The following RPTOR variants were observed in gnomAD, a reference collection of about 807,000 sequenced individuals.
RPTOR encodes the protein regulatory associated protein of MTOR complex 1.
RPTOR carries 21 observed loss-of-function variants against 169.9 expected under a neutral mutation model. The observed-to-expected ratio is 0.12, with a 90% CI of 0.09 to 0.18. RPTOR has a LOEUF of 0.18. Among genes scored for constraint, RPTOR ranks in the 10% least tolerant of loss-of-function variants. The probability of loss-of-function intolerance (pLI) is 1.00; values close to 1 mark genes in which losing one functional copy is unlikely to be tolerated. For synonymous variants in RPTOR, 732 were observed against 753.2 expected (o/e 0.97, Z 0.46); for missense variants, 1,133 against 1,855.9 (o/e 0.61, Z 7.16).
At chr17:80,577,486 C>T (rs1184209848) in intron 1 of RPTOR, among the ~76,000 whole-genome samples, 2 of 152,060 alleles carry the variant, frequency 1.3e-5, no homozygotes, top group African/African-American at 4.8e-5. Flanking sequence ...CCTATGTGGC[C>T]CAGGCTTGTC....
intron 1 of RPTOR, among the ~76,000 whole-genome samples, chr17:80,624,146 C>T (rs987814018): frequency 1.2e-4 from 18 of 152,210 alleles, no homozygotes; most frequent in African/African-American, 3.6e-4. Flanking sequence ...TAACTGTCAT[C>T]GCTCCACTGA....
chr17:80,762,264 G>A (rs2066743859), intron 6 of RPTOR, among the ~76,000 whole-genome samples: 1 of 152,196 alleles, frequency 6.6e-6, no homozygotes, highest in Admixed American at 6.5e-5. Context: ...CCCCGTCCTC[G>A]GGTGCTGCAG....
In RPTOR at chr17:80,634,571, CTG is replaced by C. The variant is rs748949476; in HGVS notation, c.265+8789_265+8790del. Among the ~76,000 whole-genome samples the C allele has an allele frequency of 3.6e-3, 255 of 71,104 alleles. 10 individuals are homozygous for C. Among genetic ancestry groups the C allele is most frequent in the South Asian group, 6.0e-3 (12 of 2,004 alleles). 46.6% of individuals were successfully genotyped at this position (71,104 alleles called of 152,430 possible). A position where few individuals can be genotyped will look rare whatever the true frequency, so the allele number is the denominator to read the frequency against. ...TGTGTGCATACTGTGTGTGTGCATACTGTGTGTGTGTGCGTACTGTGTGTGTG... is the reference window on the plus strand; with the variant it reads ...TGTGTGCATACTGTGTGTGTGCATACTGTGTGTGTGCGTACTGTGTGTGTG... On this transcript the variant is annotated intron_variant, in intron 2 of 33. Coordinates refer to ENST00000306801, the MANE Select transcript of RPTOR (RefSeq NM_020761.3).
chr17:80,597,574 G>C (rs778382474), intron 1 of RPTOR, among the ~76,000 whole-genome samples: 3 of 152,086 alleles, frequency 2.0e-5, no homozygotes, highest in African/African-American at 4.8e-5. Flanking sequence ...CTGTTGCCCA[G>C]GCTGGAGTGC....
chr17:80,698,429 G>C (rs1030295238), intron 3 of RPTOR, among the ~76,000 whole-genome samples: 2 of 152,108 alleles, frequency 1.3e-5, no homozygotes, highest in African/African-American at 4.8e-5. Context: ...AGAGGTTTCT[G>C]CACCGTTGTC....
At chr17:80,858,271 C>T (rs975461540) in intron 13 of RPTOR, 13 of 287,668 alleles carry the variant, frequency 4.5e-5, no homozygotes, top group African/African-American at 2.4e-4. Context: ...ATGGCATAAA[C>T]TTGGCCTCTG....
intron 6 of RPTOR, among the ~76,000 whole-genome samples, chr17:80,782,053 C>A (rs556470095): frequency 1.3e-5 from 2 of 152,226 alleles, no homozygotes; most frequent in East Asian, 3.8e-4. Context: ...CGAGGCGGCC[C>A]TGGAGCCTAC....
At chr17:80,559,415 A>G (rs1251719699) in intron 1 of RPTOR, among the ~76,000 whole-genome samples, 4 of 152,144 alleles carry the variant, frequency 2.6e-5, no homozygotes, top group Admixed American at 6.5e-5. Flanking sequence ...GCACAACCAG[A>G]GGGCCCAAGC....
At chr17:80,697,029 C>T (rs921672463) in intron 3 of RPTOR, among the ~76,000 whole-genome samples, 1 of 152,212 alleles carries the variant, frequency 6.6e-6, no homozygotes, top group African/African-American at 2.4e-5. Flanking sequence ...GCTAGTGTGA[C>T]AGTCTTTCTG....
intron 22 of RPTOR, 69 bp downstream of exon 22, chr17:80,922,896 G>A: frequency 7.6e-7 from 1 of 1,311,498 alleles, no homozygotes; most frequent in Admixed American, 2.2e-5. Context: ...AGCTGTCCCT[G>A]AGCCGGCCTC....
At chr17:80,854,381 C>T (rs2067829436) in intron 11 of RPTOR, among the ~76,000 whole-genome samples, 1 of 152,252 alleles carries the variant, frequency 6.6e-6, no homozygotes, top group Admixed American at 6.5e-5. Flanking sequence ...AGTCACACCG[C>T]AGTGAGCGCT....
chr17:80,583,539 G>GTGGAGGCCTT (rs1467000951), intron 1 of RPTOR, among the ~76,000 whole-genome samples: 16 of 151,888 alleles, frequency 1.1e-4, no homozygotes, highest in Admixed American at 9.8e-4. Flanking sequence ...CTTGTGAGCT[G>GTGGAGGCCTT]GTGGAGGCCT....
chr17:80,674,142 G>A (rs1429031945), intron 3 of RPTOR, among the ~76,000 whole-genome samples: 1 of 152,118 alleles, frequency 6.6e-6, no homozygotes, highest in Admixed American at 6.5e-5. Flanking sequence ...CAATTTTAGC[G>A]GAATTTGTGT....
intron 3 of RPTOR, among the ~76,000 whole-genome samples, chr17:80,647,514 GCTCT>G (rs1315120292): frequency 2.6e-5 from 4 of 152,176 alleles, no homozygotes; most frequent in Non-Finnish European, 4.4e-5. Context: ...GAGGGGCCTC[GCTCT>G]CTGTGTCCTT....
At chr17:80,842,082 G>A (rs2067676834) in intron 10 of RPTOR, among the ~76,000 whole-genome samples, 1 of 152,176 alleles carries the variant, frequency 6.6e-6, no homozygotes, top group African/African-American at 2.4e-5. Context: ...CACATTCATT[G>A]CAAGGTGGAC....
At chr17:80,734,341 C>G (rs1247949632) in intron 5 of RPTOR, among the ~76,000 whole-genome samples, 1 of 152,216 alleles carries the variant, frequency 6.6e-6, no homozygotes, top group Non-Finnish European at 1.5e-5. Context: ...CAGCTGGCTC[C>G]CCTTTGTAAT....
chr17:80,958,248 G>A (rs2069282077), intron 29 of RPTOR, among the ~76,000 whole-genome samples: 1 of 136,980 alleles, frequency 7.3e-6, no homozygotes, highest in Non-Finnish European at 1.5e-5. Flanking sequence ...GCACCCACAC[G>A]CCTGGCTAAT....
chr17:80,730,659 G>A lies in RPTOR; in HGVS notation c.607G>A (p.Val203Ile), dbSNP rs780774569. 34 of 1,613,240 alleles carry A rather than the reference G, an allele frequency of 2.1e-5. No homozygotes were observed. The Admixed American group carries it at 2.5e-4, about 12-fold the overall frequency. ...CGACTGCTCCAATGCTGGCTTGATC[G>A]TCAAGTCCTTCAAGCAGTTCGCACT... ...VYDCSNAGLI[V>I]KSFKQFALQR... Residue 203 changes from valine to isoleucine, a missense_variant, in exon 5 of 34, where the codon GTC (valine) becomes ATC (isoleucine). Physicochemically the swap from Val to Ile is conservative, Grantham distance 29. Around this residue, in one of 9 missense-constraint regions of RPTOR, gnomAD observed 35 missense variants for 31.8 expected, o/e 1.10. Transcript: ENST00000306801. The surrounding 1 kb of genome is among the most constrained non-coding windows in gnomAD (Gnocchi z 4.2).
chr17:80,911,809 G>A (rs2068616209), intron 21 of RPTOR, among the ~76,000 whole-genome samples: 1 of 152,132 alleles, frequency 6.6e-6, no homozygotes, highest in African/African-American at 2.4e-5. Context: ...AAAAATATAT[G>A]TTTGTTACAC....
Sources: allele counts gnomAD v4.1 joint callset (sites outside exome capture counted in the v4.1 genomes callset), GRCh38; gene constraint gnomAD v4.1.1; regional missense constraint gnomAD v4.1.1; non-coding constraint Gnocchi (gnomAD v3.1); transcripts MANE v1.5; gene names NCBI Gene and HGNC (gene_info 2026-07-23, HGNC 2026-07-21).